EIPR1: variants seen among roughly 807,000 people sequenced by gnomAD.
The protein encoded by EIPR1 is EARP and GARP complex-interacting protein 1.
In EIPR1, 25 loss-of-function variants were observed where a neutral mutation model predicts 48.1. The observed-to-expected ratio is 0.52, with a 90% CI of 0.38 to 0.73. The LOEUF (loss-of-function observed/expected upper bound fraction) is 0.73, where lower values mean the gene tolerates loss of function less well. Among genes scored for constraint, EIPR1 ranks in the 30% least tolerant of loss-of-function variants. The pLI, the probability that EIPR1 is intolerant of heterozygous loss-of-function variation, is 0.00. For synonymous variants in EIPR1, 204 were observed against 201.9 expected (o/e 1.01, Z -0.09); for missense variants, 415 against 506.2 (o/e 0.82, Z 1.73).
intron 3 of EIPR1, among the ~76,000 whole-genome samples, chr2:3,314,146 C>T (rs966554089): frequency 5.9e-5 from 9 of 152,290 alleles, no homozygotes; most frequent in South Asian, 2.1e-4. Flanking sequence ...TCTAATTTCC[C>T]GAGGACTCTG....
chr2:3,256,048 G>T (rs1310382085), intron 4 of EIPR1, among the ~76,000 whole-genome samples: 1 of 152,164 alleles, frequency 6.6e-6, no homozygotes, highest in African/African-American at 2.4e-5. Context: ...CCCTTACTGT[G>T]CAAGACTGGC....
At chr2:3,346,228 A>G (rs1572470547) in intron 2 of EIPR1, among the ~76,000 whole-genome samples, 1 of 152,230 alleles carries the variant, frequency 6.6e-6, no homozygotes, top group Non-Finnish European at 1.5e-5. Context: ...GGGATAGACG[A>G]AACTGGCTGT....
intron 3 of EIPR1, among the ~76,000 whole-genome samples, chr2:3,317,082 G>A (rs559984872): frequency 2.0e-5 from 3 of 151,892 alleles, no homozygotes; most frequent in South Asian, 2.1e-4. Context: ...AGCGCATGAC[G>A]CACTGACCGA....
In EIPR1 at chr2:3,354,643, G is replaced by A. The variant is rs1166521770; in HGVS notation, c.43-10C>T. The stretch of plus-strand genomic sequence containing the variant: ...GTGTTAAGGCACGTGCCTGCAGGAG[G>A]GAAGAAAAACACATGCACATTTATG... On this transcript the variant is annotated splice_polypyrimidine_tract_variant and intron_variant, in intron 1 of 8. Transcript: ENST00000382125. 1 of 1,613,400 alleles carries A rather than the reference G, an allele frequency of 6.2e-7. No individual in the cohort carries two copies.
At chr2:3,299,690 T>C (rs1173904954) in intron 3 of EIPR1, among the ~76,000 whole-genome samples, 1 of 151,540 alleles carries the variant, frequency 6.6e-6, no homozygotes, top group East Asian at 1.9e-4. Context: ...GTAAGCTATG[T>C]AAGCTCTTCT....
chr2:3,333,012 A>G (rs1446837649), intron 3 of EIPR1, among the ~76,000 whole-genome samples: 3 of 152,210 alleles, frequency 2.0e-5, no homozygotes, highest in Admixed American at 2.0e-4. Flanking sequence ...TCATTTTCTA[A>G]GACAGTGTGA....
intron 3 of EIPR1, among the ~76,000 whole-genome samples, chr2:3,327,981 A>C (rs1406711208): frequency 1.3e-5 from 2 of 152,082 alleles, no homozygotes; most frequent in African/African-American, 4.8e-5. Flanking sequence ...TCCTGGGCTC[A>C]AGCAATCTAC....
chr2:3,207,369 C>T (rs554156016), intron 5 of EIPR1, among the ~76,000 whole-genome samples: 3 of 152,334 alleles, frequency 2.0e-5, no homozygotes, highest in East Asian at 3.9e-4. Flanking sequence ...TCACTGCCTC[C>T]GGGCCTCCCC....
chr2:3,255,611 T>A (rs1361632223), intron 4 of EIPR1, among the ~76,000 whole-genome samples: 2 of 152,208 alleles, frequency 1.3e-5, no homozygotes, highest in Non-Finnish European at 2.9e-5. Context: ...AGGTGGGAAG[T>A]TGAGAAGCAG....
At chr2:3,192,184 G>C (rs1664628365) in intron 8 of EIPR1, among the ~76,000 whole-genome samples, 1 of 152,202 alleles carries the variant, frequency 6.6e-6, no homozygotes, top group Non-Finnish European at 1.5e-5. Flanking sequence ...AACACAAATA[G>C]ATCTATTTTA....
intron 1 of EIPR1, among the ~76,000 whole-genome samples, chr2:3,375,045 C>A (rs1304709639): frequency 1.1e-4 from 17 of 149,510 alleles, no homozygotes; most frequent in African/African-American, 3.7e-4. Flanking sequence ...GAATACTATG[C>A]AGCCATAAAA....
chr2:3,274,167 ACC>A (rs1373185004), intron 3 of EIPR1, among the ~76,000 whole-genome samples: 1 of 152,204 alleles, frequency 6.6e-6, no homozygotes, highest in Admixed American at 6.5e-5. Flanking sequence ...GGTCCACTGT[ACC>A]CTTAAGTGGG....
At chr2:3,247,082 A>G (rs1666856720) in intron 4 of EIPR1, among the ~76,000 whole-genome samples, 1 of 67,580 alleles carries the variant, frequency 1.5e-5, no homozygotes, top group Non-Finnish European at 2.8e-5. Flanking sequence ...GGAGAGAGGG[A>G]GGGAGAGAGG....
intron 3 of EIPR1, among the ~76,000 whole-genome samples, chr2:3,309,991 C>A (rs540946685): frequency 8.5e-5 from 13 of 152,270 alleles, no homozygotes; most frequent in African/African-American, 3.1e-4. Flanking sequence ...ACGCTCCCTG[C>A]GCTGCTCCAA....
chr2:3,373,559 T>C (rs1464865133), intron 1 of EIPR1, among the ~76,000 whole-genome samples: 1 of 151,566 alleles, frequency 6.6e-6, no homozygotes, highest in African/African-American at 2.4e-5. Flanking sequence ...TGTACAAAAA[T>C]CACAAGCATT....
chr2:3,202,049 T>A (rs1665056697), intron 5 of EIPR1, among the ~76,000 whole-genome samples: 2 of 152,294 alleles, frequency 1.3e-5, no homozygotes, highest in East Asian at 3.9e-4. Flanking sequence ...GCCATTCTCC[T>A]GCCTCAGCCT....
intron 3 of EIPR1, among the ~76,000 whole-genome samples, chr2:3,302,968 G>A (rs1274679279): frequency 6.6e-6 from 1 of 152,178 alleles, no homozygotes; most frequent in African/African-American, 2.4e-5. Context: ...ATCTGACTCC[G>A]TTTTTTTCAT....
Position 3,261,143 on chromosome 2 carries a change from A to G in EIPR1, c.260-3688T>C, listed in dbSNP as rs116118611. On this transcript the variant is annotated intron_variant, in intron 3 of 8. Coordinates refer to ENST00000382125, the MANE Select transcript of EIPR1 (RefSeq NM_003310.5). ...TAACTGCCAGAAGTCAGGGGGTGGC[A>G]ATTATCATAATGACCAACGAGACCA... is the stretch of plus-strand genomic sequence containing the variant. 5.4e-3 allele frequency among the ~76,000 whole-genome samples: 822 copies of G among 152,132 alleles called. 9 individuals carry two copies. The highest frequency in any genetic ancestry group is 0.019 in the African/African-American group (783 of 41,492).
chr2:3,337,248 C>T (rs1670096613), intron 3 of EIPR1, among the ~76,000 whole-genome samples: 2 of 152,110 alleles, frequency 1.3e-5, no homozygotes, highest in South Asian at 4.1e-4. Flanking sequence ...GCAATCCCTA[C>T]ACATCAATAT....
Sources: gnomAD v4.1 joint callset for allele counts (sites outside exome capture counted in the v4.1 genomes callset) on GRCh38, gnomAD v4.1.1 for gene constraint, MANE v1.5 for transcripts, NCBI Gene and HGNC (gene_info 2026-07-23, HGNC 2026-07-21) for gene names.